Variants in NBAS observed in about 807,000 individuals in gnomAD.
The protein encoded by NBAS is NBAS subunit of NRZ tethering complex.
NBAS carries 219 observed loss-of-function variants against 302.5 expected under a neutral mutation model. The ratio of observed to expected loss-of-function variants is 0.72; its 90% CI spans 0.65 to 0.81. The LOEUF is 0.81. Ranked by LOEUF, NBAS falls within the 30% of genes least tolerant of loss-of-function variation. The pLI is 0.00. For synonymous variants in NBAS, 1,118 were observed against 1,021.6 expected, an observed-to-expected ratio of 1.09 and a Z score of -1.80; for missense variants, 2,932 against 2,841.6, an observed-to-expected ratio of 1.03 and a Z score of -0.72.
chr2:14,870,448 G>A, the NBAS span, among the ~76,000 whole-genome samples: 2 of 152,200 alleles, frequency 1.3e-5, no homozygotes, highest in Non-Finnish European at 2.9e-5. Context: ...GGAAGTTTAT[G>A]TCTTCCTCTA....
At chr2:14,850,461 C>A in the NBAS span, among the ~76,000 whole-genome samples, 2 of 96,160 alleles carry the variant, frequency 2.1e-5, no homozygotes, top group Non-Finnish European at 3.7e-5. Flanking sequence ...GAGACTTAGA[C>A]TCCCACACAT....
intron 24 of NBAS, 64 bp downstream of exon 24, chr2:15,417,461 CAT>C: frequency 1.5e-6 from 2 of 1,337,644 alleles, no homozygotes; most frequent in South Asian, 2.5e-5. Flanking sequence ...GTTTGAGACA[CAT>C]ATGTATCAAA....
chr2:15,389,597 G>A (rs1675488062), intron 28 of NBAS, among the ~76,000 whole-genome samples: 1 of 152,174 alleles, frequency 6.6e-6, no homozygotes, highest in African/African-American at 2.4e-5. Context: ...GACATGAAAA[G>A]ACATGGATCA....
At chr2:15,165,618 T>C (rs1347889738), downstream of NBAS, among the ~76,000 whole-genome samples, 1 of 152,042 alleles carries the variant, frequency 6.6e-6, no homozygotes, top group African/African-American at 2.4e-5. Flanking sequence ...GCGATGTTAT[T>C]CTTAAATAGA....
the NBAS span, among the ~76,000 whole-genome samples, chr2:15,100,578 T>C: frequency 6.6e-6 from 1 of 152,352 alleles, no homozygotes; most frequent in East Asian, 1.9e-4. Flanking sequence ...GTTGTTGAAC[T>C]TGAAGGTGGG....
the NBAS span, among the ~76,000 whole-genome samples, chr2:14,822,370 G>T: frequency 1.3e-5 from 2 of 152,126 alleles, no homozygotes; most frequent in Non-Finnish European, 2.9e-5. Flanking sequence ...CTATGACTGT[G>T]GTACTGCAGA....
intron 9 of NBAS, among the ~76,000 whole-genome samples, chr2:15,528,891 A>G (rs1470960982): frequency 2.1e-5 from 3 of 146,046 alleles, no homozygotes; most frequent in Admixed American, 1.4e-4. Flanking sequence ...ATATATATAT[A>G]TATATATGTG....
chr2:14,814,429 G>T, the NBAS span, among the ~76,000 whole-genome samples: 1 of 152,240 alleles, frequency 6.6e-6, no homozygotes, highest in African/African-American at 2.4e-5. Context: ...CTTTGCATCA[G>T]CATGCCCTGG....
the NBAS span, among the ~76,000 whole-genome samples, chr2:15,015,802 C>T: frequency 3.2e-4 from 49 of 151,896 alleles, no homozygotes; most frequent in Admixed American, 1.2e-3. Flanking sequence ...AATTAGACAA[C>T]GAAAGAAAGA....
At position 15,218,899 on chromosome 2, in the gene NBAS, C is replaced by T. The variant is rs755415568; in HGVS notation, c.6306G>A (p.Pro2102=). The T allele has an allele frequency of 1.4e-5, 23 of 1,614,124 alleles. No individual in the cohort carries two copies. Among genetic ancestry groups the T allele is most frequent in the East Asian group, 8.9e-5 (4 of 44,904 alleles). ...LRPFCADDAW[P]VRPRIHVLQI... ...GCAGCACGTGAATGCGGGGCCGCACCGGCCAGGCGTCATCAGCACAGAAAG... is the reference window on the plus strand; with the variant it reads ...GCAGCACGTGAATGCGGGGCCGCACTGGCCAGGCGTCATCAGCACAGAAAG... Residue 2102 remains proline (P), a synonymous_variant, in exon 48 of 52, where the codon CCG becomes CCA. Coordinates refer to ENST00000281513, the MANE Select transcript of NBAS (RefSeq NM_015909.4).
the NBAS span, among the ~76,000 whole-genome samples, chr2:15,039,468 G>T: frequency 6.6e-6 from 1 of 152,138 alleles, no homozygotes; most frequent in Non-Finnish European, 1.5e-5. Context: ...GGTCAAAGAA[G>T]ATTAAGGGCC....
chr2:14,903,339 AAAG>A, the NBAS span, among the ~76,000 whole-genome samples: 7 of 151,538 alleles, frequency 4.6e-5, no homozygotes, highest in Admixed American at 2.6e-4. Context: ...AAAAAAAAAA[AAAG>A]AAAGAAACAT....
At chr2:15,550,437 C>T (rs887478206) in intron 6 of NBAS, among the ~76,000 whole-genome samples, 3 of 152,176 alleles carry the variant, frequency 2.0e-5, no homozygotes, top group East Asian at 3.8e-4. Flanking sequence ...ACCATGTTTA[C>T]CATTATTATA....
At chr2:14,950,450 G>T in the NBAS span, among the ~76,000 whole-genome samples, 5 of 152,074 alleles carry the variant, frequency 3.3e-5, no homozygotes, top group Non-Finnish European at 4.4e-5. Context: ...AATATTTAAG[G>T]TGATGGATAT....
At chr2:15,340,042 A>G (rs752430598) in intron 35 of NBAS, among the ~76,000 whole-genome samples, 38 of 152,332 alleles carry the variant, frequency 2.5e-4, no homozygotes, top group Non-Finnish European at 4.0e-4. Context: ...AGTGGAGAAA[A>G]GAGACCATGG....
the NBAS span, among the ~76,000 whole-genome samples, chr2:14,938,983 A>T: frequency 6.6e-6 from 1 of 152,252 alleles, no homozygotes; most frequent in Non-Finnish European, 1.5e-5. Context: ...TGCAGGTATC[A>T]TGACACCTAC....
At chr2:14,946,158 T>C in the NBAS span, among the ~76,000 whole-genome samples, 1 of 152,090 alleles carries the variant, frequency 6.6e-6, no homozygotes, top group African/African-American at 2.4e-5. Context: ...GAGTAAAAAG[T>C]TTATCAAGGG....
chr2:14,886,109 A>G, the NBAS span, among the ~76,000 whole-genome samples: 2 of 152,140 alleles, frequency 1.3e-5, no homozygotes, highest in Admixed American at 6.5e-5. Context: ...TTTTGCTAAT[A>G]TCACACGCTT....
the NBAS span, among the ~76,000 whole-genome samples, chr2:14,912,286 G>T: frequency 1.3e-5 from 2 of 152,244 alleles, no homozygotes; most frequent in Admixed American, 1.3e-4. Flanking sequence ...CCTGTCCATA[G>T]TATTTTTTTC....
Sources: gnomAD v4.1 joint callset for allele counts (sites outside exome capture counted in the v4.1 genomes callset) on GRCh38, gnomAD v4.1.1 for gene constraint, MANE v1.5 for transcripts, NCBI Gene and HGNC (gene_info 2026-07-23, HGNC 2026-07-21) for gene names.